Variants in FANCC observed in about 807,000 individuals in gnomAD.
The protein encoded by FANCC is FA complementation group C, also known as Fanconi anemia group C protein.
In FANCC, 55 loss-of-function variants were observed where a neutral mutation model predicts 71.3. The ratio of observed to expected loss-of-function variants is 0.77; its 90% CI spans 0.62 to 0.97. The LOEUF (loss-of-function observed/expected upper bound fraction) is 0.97, where lower values mean the gene tolerates loss of function less well. Ranked by LOEUF, FANCC falls within the 50% of genes least tolerant of loss-of-function variation. The pLI is 0.00. For synonymous variants in FANCC, 275 were observed against 244.9 expected, an observed-to-expected ratio of 1.12 and a Z score of -1.15; for missense variants, 678 against 670.9, an observed-to-expected ratio of 1.01 and a Z score of -0.12.
intron 6 of FANCC, among the ~76,000 whole-genome samples, chr9:95,158,143 G>A (rs931714262): frequency 3.3e-5 from 5 of 151,936 alleles, no homozygotes; most frequent in African/African-American, 7.3e-5. Context: ...CATCCATCCC[G>A]CCCTAACTCT....
At chr9:95,107,345 T>C in intron 13 of FANCC, 76 bp from the exon 14 acceptor site, 2 of 1,497,744 alleles carry the variant, frequency 1.3e-6, no homozygotes, top group Non-Finnish European at 1.8e-6. Context: ...ATTTATTTGC[T>C]TTGAAACAAC....
chr9:95,212,952 C>A (rs1588290368), intron 4 of FANCC, among the ~76,000 whole-genome samples: 1 of 152,164 alleles, frequency 6.6e-6, no homozygotes, highest in Non-Finnish European at 1.5e-5. Context: ...TGCTTCCCAA[C>A]ACAGTAGCCA....
intron 6 of FANCC, among the ~76,000 whole-genome samples, chr9:95,150,997 T>C (rs1830138464): frequency 6.6e-6 from 1 of 152,240 alleles, no homozygotes; most frequent in Non-Finnish European, 1.5e-5. Flanking sequence ...TCAACTGCAC[T>C]AGTCACAGTT....
intron 8 of FANCC, among the ~76,000 whole-genome samples, chr9:95,134,841 C>T (rs557909096): frequency 2.4e-4 from 36 of 152,324 alleles, no homozygotes; most frequent in African/African-American, 8.2e-4. Context: ...CAGGCGCCAC[C>T]GCGCAGGGGA....
chr9:95,219,621 T>G (rs1036345090), intron 4 of FANCC, among the ~76,000 whole-genome samples: 9 of 152,174 alleles, frequency 5.9e-5, no homozygotes, highest in African/African-American at 1.9e-4. Flanking sequence ...GGGGAAAGGA[T>G]TCCCTATTCA....
intron 6 of FANCC, among the ~76,000 whole-genome samples, chr9:95,163,031 A>G (rs1830846044): frequency 6.6e-6 from 1 of 152,222 alleles, no homozygotes; most frequent in South Asian, 2.1e-4. Flanking sequence ...ATCATTGCGA[A>G]GTCCAATGCC....
rs117364740 is a variant in FANCC, at chr9:95,208,684, C to T, written c.345+31965G>A. Among the ~76,000 whole-genome samples, 12 of 152,170 alleles carry T rather than the reference C, an allele frequency of 7.9e-5. No homozygotes were observed. In the East Asian group the frequency reaches 1.9e-3, roughly 24 times the overall value. ...CTCAGGGAAATGCAAATTAAAACAA[C>T]GAGATACCACTATACACCTATTAAA... On this transcript the variant is annotated intron_variant, in intron 4 of 14. Transcript: ENST00000289081.
intron 1 of FANCC, among the ~76,000 whole-genome samples, chr9:95,300,900 C>T (rs1388376690): frequency 6.6e-6 from 1 of 151,966 alleles, no homozygotes; most frequent in Non-Finnish European, 1.5e-5. Flanking sequence ...CCAAGGGCTG[C>T]ACAAAATAAG....
intron 1 of FANCC, among the ~76,000 whole-genome samples, chr9:95,309,649 A>G (rs559814632): frequency 3.3e-5 from 5 of 152,340 alleles, no homozygotes; most frequent in South Asian, 2.1e-4. Flanking sequence ...AAATTATACT[A>G]TATCACCTAG....
intron 6 of FANCC, among the ~76,000 whole-genome samples, chr9:95,156,314 T>A (rs979480130): frequency 2.6e-5 from 4 of 152,324 alleles, no homozygotes; most frequent in Non-Finnish European, 5.9e-5. Context: ...ATCAGTAAAA[T>A]TCTTAACTGA....
intron 6 of FANCC, among the ~76,000 whole-genome samples, chr9:95,165,907 T>C (rs1831038833): frequency 6.6e-6 from 1 of 152,096 alleles, no homozygotes; most frequent in East Asian, 1.9e-4. Context: ...TTACTGTCTC[T>C]TTCTCCCTTC....
chr9:95,120,612 G>A (rs1451731923), intron 10 of FANCC, among the ~76,000 whole-genome samples: 1 of 151,788 alleles, frequency 6.6e-6, no homozygotes, highest in African/African-American at 2.4e-5. Flanking sequence ...TGTAGAGACT[G>A]GGGTCCCACT....
intron 4 of FANCC, among the ~76,000 whole-genome samples, chr9:95,190,302 G>A (rs1458135319): frequency 4.6e-5 from 7 of 152,048 alleles, no homozygotes; most frequent in African/African-American, 7.2e-5. Flanking sequence ...AGTGACCCGC[G>A]TCATTGCTGG....
intron 4 of FANCC, among the ~76,000 whole-genome samples, chr9:95,216,016 A>G (rs1828843421): frequency 6.6e-6 from 1 of 152,256 alleles, no homozygotes; most frequent in Non-Finnish European, 1.5e-5. Flanking sequence ...ATCAATAATT[A>G]TATTACATAG....
intron 6 of FANCC, among the ~76,000 whole-genome samples, chr9:95,151,483 C>T (rs182796726): frequency 6.6e-6 from 1 of 152,284 alleles, no homozygotes; most frequent in African/African-American, 2.4e-5. Context: ...AAACTTGCTG[C>T]CTATTATTAA....
intron 1 of FANCC, among the ~76,000 whole-genome samples, chr9:95,294,998 G>A (rs1315612437): frequency 6.6e-6 from 1 of 152,072 alleles, no homozygotes; most frequent in Non-Finnish European, 1.5e-5. Context: ...GTATTATAAA[G>A]TTTGAGATGT....
At chr9:95,250,428 C>T (rs1046746046) in intron 1 of FANCC, among the ~76,000 whole-genome samples, 11 of 152,186 alleles carry the variant, frequency 7.2e-5, no homozygotes, top group Non-Finnish European at 1.5e-4. Flanking sequence ...AAATTTGAAA[C>T]GACTGTACAA....
rs1226649340 is a variant in FANCC at position 95,249,327 on chromosome 9, C to G, written c.-36G>C. 6.2e-7 allele frequency: 1 copy of G among 1,600,886 alleles called. No homozygotes were observed. Among genetic ancestry groups the G allele is most frequent in the Non-Finnish European group, 8.6e-7 (1 of 1,168,966 alleles). On this transcript the variant is annotated 5_prime_UTR_variant, in exon 2 of 15. Transcript: ENST00000289081. ...GCGAAAAGGTGATGTCCCTTCACAGCAGCCTGTCCAGCACTGAAGGAAATG... is the reference window on the plus strand; with the variant it reads ...GCGAAAAGGTGATGTCCCTTCACAGGAGCCTGTCCAGCACTGAAGGAAATG...
intron 1 of FANCC, among the ~76,000 whole-genome samples, chr9:95,255,151 C>T (rs767833105): frequency 2.6e-5 from 4 of 152,086 alleles, no homozygotes; most frequent in African/African-American, 4.8e-5. Context: ...TAAACGTTCC[C>T]GCCTGCTGGC....
Sources: allele counts gnomAD v4.1 joint callset (sites outside exome capture counted in the v4.1 genomes callset), GRCh38; gene constraint gnomAD v4.1.1; transcripts MANE v1.5; gene names NCBI Gene and HGNC (gene_info 2026-07-23, HGNC 2026-07-21).